Variants in PARD3B observed in about 807,000 individuals in gnomAD.
The protein encoded by PARD3B is par-3 family cell polarity regulator beta.
A neutral mutation model predicts 130.2 loss-of-function variants in PARD3B; 103 were observed. The observed-to-expected ratio is 0.79, with a 90% confidence interval of 0.67 to 0.93. The LOEUF (loss-of-function observed/expected upper bound fraction) is 0.93. Ranked by LOEUF, PARD3B falls within the 40% of genes least tolerant of loss-of-function variation. The pLI is 0.00. For synonymous variants in PARD3B, 583 were observed against 553.2 expected (o/e 1.05, Z -0.76); for missense variants, 1,609 against 1,499.2 (o/e 1.07, Z -1.21).
intron 21 of PARD3B, among the ~76,000 whole-genome samples, chr2:205,528,868 GTCTT>G (rs5837978): frequency 0.94 from 142,235 of 151,910 alleles, 67,261 homozygotes; most frequent in East Asian, 1. Flanking sequence ...CTCTTTTGGT[GTCTT>G]TCTTTGACAA....
chr2:205,278,091 T>C (rs2041022993), intron 16 of PARD3B, among the ~76,000 whole-genome samples: 1 of 152,014 alleles, frequency 6.6e-6, no homozygotes, highest in African/African-American at 2.4e-5. Context: ...AGGTAGCGAG[T>C]GCTGAGAAGA....
At chr2:205,521,652 G>C (rs991093421) in intron 21 of PARD3B, among the ~76,000 whole-genome samples, 1 of 151,998 alleles carries the variant, frequency 6.6e-6, no homozygotes, top group Non-Finnish European at 1.5e-5. Context: ...CTTACATGCT[G>C]TCTGTTTTGT....
Position 205,264,875 on chromosome 2 carries a change from A to G in PARD3B, c.2185+19053A>G, listed in dbSNP as rs2040445050. Among the ~76,000 whole-genome samples the G allele has an allele frequency of 1.3e-5, 2 of 151,040 alleles. 1 individual carries two copies. Among genetic ancestry groups the G allele is most frequent in the African/African-American group, 4.9e-5 (2 of 41,104 alleles). On this transcript the variant is annotated intron_variant, in intron 16 of 22. Coordinates refer to ENST00000406610, the MANE Select transcript of PARD3B (RefSeq NM_001302769.2). ...TTTGAAAATACTTTTTTTTACACACATACATATAAATTACAGGTTTGCAAA... is the reference window on the plus strand; with the variant it reads ...TTTGAAAATACTTTTTTTTACACACGTACATATAAATTACAGGTTTGCAAA...
At chr2:204,795,273 T>C (rs1268531265) in intron 2 of PARD3B, among the ~76,000 whole-genome samples, 4 of 152,194 alleles carry the variant, frequency 2.6e-5, no homozygotes, top group African/African-American at 9.7e-5. Context: ...AGATTGATAG[T>C]GATTGAGTCA....
rs1296570803 is a variant in PARD3B at position 205,102,699 on chromosome 2, G to T, written c.505-1727G>T. On this transcript the variant is annotated intron_variant, in intron 4 of 22. Transcript: ENST00000406610. ...TGAAATGTTGCTACTCAATCTAAAA[G>T]TGAGAGACATTTTTTTTAACTCATT... 7.2e-5 allele frequency among the ~76,000 whole-genome samples: 11 copies of T among 152,146 alleles called. No individual in the cohort carries two copies. The East Asian group carries it at 2.1e-3, about 29-fold the overall frequency.
At chr2:204,911,918 TAA>T (rs139641848) in intron 2 of PARD3B, among the ~76,000 whole-genome samples, 3 of 151,852 alleles carry the variant, frequency 2.0e-5, no homozygotes, top group African/African-American at 7.3e-5. Flanking sequence ...AAAATGAAAC[TAA>T]AAAAAACAAA....
chr2:204,811,360 G>A (rs1023977610), intron 2 of PARD3B, among the ~76,000 whole-genome samples: 1 of 152,058 alleles, frequency 6.6e-6, no homozygotes, highest in African/African-American at 2.4e-5. Flanking sequence ...TATTTCTTAT[G>A]TATATACTTT....
intron 2 of PARD3B, among the ~76,000 whole-genome samples, chr2:204,827,960 A>G (rs923640587): frequency 2.0e-5 from 3 of 152,174 alleles, no homozygotes; most frequent in African/African-American, 7.2e-5. Flanking sequence ...GATCTTATTC[A>G]AAATAGAATC....
At chr2:205,001,618 G>A (rs1694835008) in intron 3 of PARD3B, among the ~76,000 whole-genome samples, 1 of 152,154 alleles carries the variant, frequency 6.6e-6, no homozygotes, top group African/African-American at 2.4e-5. Flanking sequence ...GTCTCAAACA[G>A]GCAGTTAAAA....
chr2:205,463,863 G>T lies in PARD3B; in HGVS notation c.3044+23191G>T, dbSNP rs181591814. Among the ~76,000 whole-genome samples the T allele has an allele frequency of 6.6e-6, 1 of 152,260 alleles. No individual in the cohort carries two copies. The highest frequency in any genetic ancestry group is 2.4e-5 in the African/African-American group (1 of 41,556). On this transcript the variant is annotated intron_variant, in intron 20 of 22. Coordinates refer to ENST00000406610, the MANE Select transcript of PARD3B (RefSeq NM_001302769.2). This position sits in a 1 kb window ranked among gnomAD's most constrained non-coding sequence, Gnocchi z 4.8. ...CTGTTGCAGTAGCCTTAGGGACTTT[G>T]CTTTGGAGTAAAAGCAGCCGAGTAG...
At position 204,982,155 on chromosome 2, in the gene PARD3B, T is replaced by C. The variant is rs111672619; in HGVS notation, c.394+16832T>C. The stretch of plus-strand genomic sequence containing the variant: ...TTCCTTCTGCAAGGTTTGAATTGTT[T>C]TGAAAATCACATTTTAAATGGTCAC... On this transcript the variant is annotated intron_variant, in intron 3 of 22. Transcript: ENST00000406610. 1.8e-3 allele frequency among the ~76,000 whole-genome samples: 276 copies of C among 152,306 alleles called. 3 individuals are homozygous for C. The highest frequency in any genetic ancestry group is 6.3e-3 in the African/African-American group (261 of 41,576).
chr2:205,120,027 G>C (rs1291632347), intron 7 of PARD3B, among the ~76,000 whole-genome samples: 3 of 152,064 alleles, frequency 2.0e-5, no homozygotes, highest in Non-Finnish European at 1.5e-5. Context: ...TTCTCGCTGG[G>C]CATTAGTTGT....
intron 2 of PARD3B, among the ~76,000 whole-genome samples, chr2:204,695,825 C>A (rs2037584146): frequency 6.6e-6 from 1 of 151,970 alleles, no homozygotes; most frequent in Non-Finnish European, 1.5e-5. Context: ...AAAGGCCACT[C>A]TTCTCTTCTT....
At chr2:204,975,509 A>G (rs891272051) in intron 3 of PARD3B, among the ~76,000 whole-genome samples, 2 of 152,180 alleles carry the variant, frequency 1.3e-5, no homozygotes, top group African/African-American at 4.8e-5. Flanking sequence ...ATATAGAGAC[A>G]AGCCTTCTAC....
intron 18 of PARD3B, among the ~76,000 whole-genome samples, chr2:205,364,366 G>GT (rs2044518596): frequency 6.6e-6 from 1 of 152,062 alleles, no homozygotes; most frequent in South Asian, 2.1e-4. Context: ...CTAGTGTACT[G>GT]TTTCCTTTGT....
At position 205,397,151 on chromosome 2, in the gene PARD3B, G is replaced by T. The variant is rs975447190; in HGVS notation, c.2631-3862G>T. On this transcript the variant is annotated intron_variant, in intron 18 of 22. Coordinates refer to ENST00000406610, the MANE Select transcript of PARD3B (RefSeq NM_001302769.2). This position sits in a 1 kb window ranked among gnomAD's most constrained non-coding sequence, Gnocchi z 4.8. ...CTCAATTTCCTCATCTTAACAATGC[G>T]GGAGTTTTTGTTTTTGTTTTTAAGA... Among the ~76,000 whole-genome samples, 1 of 152,110 alleles carries T rather than the reference G, an allele frequency of 6.6e-6. No individual in the cohort carries two copies. Among genetic ancestry groups the T allele is most frequent in the Non-Finnish European group, 1.5e-5 (1 of 68,022 alleles).
At chr2:204,585,216 G>C (rs1440534852) in intron 1 of PARD3B, among the ~76,000 whole-genome samples, 1 of 152,228 alleles carries the variant, frequency 6.6e-6, no homozygotes, top group Non-Finnish European at 1.5e-5. Context: ...TTTCCTTCAG[G>C]ACAATGGAGG....
chr2:204,840,913 A>G (rs73066686), intron 2 of PARD3B, among the ~76,000 whole-genome samples: 1 of 152,138 alleles, frequency 6.6e-6, no homozygotes, highest in Non-Finnish European at 1.5e-5. Context: ...ATAGGAAAAA[A>G]CATAGTGTAT....
intron 2 of PARD3B, among the ~76,000 whole-genome samples, chr2:204,927,927 G>A (rs1687751833): frequency 6.6e-6 from 1 of 152,100 alleles, no homozygotes; most frequent in African/African-American, 2.4e-5. Flanking sequence ...GTATCTAGAA[G>A]AAAAAGCATC....
Sources: gnomAD v4.1 joint callset for allele counts (sites outside exome capture counted in the v4.1 genomes callset) on GRCh38, gnomAD v4.1.1 for gene constraint, Gnocchi (gnomAD v3.1) non-coding constraint, MANE v1.5 for transcripts, NCBI Gene and HGNC (gene_info 2026-07-23, HGNC 2026-07-21) for gene names.